The following CNTNAP4 variants were observed in gnomAD, a reference collection of about 807,000 sequenced individuals.
The protein encoded by CNTNAP4 is contactin associated protein family member 4.
In CNTNAP4, 98 loss-of-function variants were observed where a neutral mutation model predicts 148.4. The ratio of observed to expected loss-of-function variants is 0.66; its 90% CI spans 0.56 to 0.78. The LOEUF is 0.78. Ranked by LOEUF, CNTNAP4 falls within the 30% of genes least tolerant of loss-of-function variation. The pLI is 0.00. For synonymous variants in CNTNAP4, 730 were observed against 565.1 expected (o/e 1.29, Z -4.14); for missense variants, 1,935 against 1,565.6 (o/e 1.24, Z -3.98).
At chr16:76,540,850 C>T in intron 21 of CNTNAP4, 60 bp downstream of exon 21, 2 of 1,203,564 alleles carry the variant, frequency 1.7e-6, no homozygotes, top group South Asian at 2.7e-5. Flanking sequence ...AAGCATGGAT[C>T]AGAAAAGTCA....
In CNTNAP4 at chr16:76,448,093, T is replaced by C. The variant is rs1259951156; in HGVS notation, c.620T>C (p.Ile207Thr). ...DQKSLSPIKD[I>T]ISLKFKTMQS... ...AAATCCCTGAGCCCAATAAAAGACA[T>C]TATTTCTTTGAAATTCAAAACCATG... Residue 207 changes from isoleucine to threonine, a missense_variant, in exon 5 of 24, where the codon ATT (isoleucine) becomes ACT (threonine). By Grantham distance (89) the Ile-to-Thr change is moderately conservative. Transcript: ENST00000611870. The C allele has an allele frequency of 6.2e-7, 1 of 1,613,622 alleles. No homozygotes were observed. Among genetic ancestry groups the C allele is most frequent in the Non-Finnish European group, 8.5e-7 (1 of 1,179,680 alleles).
intron 13 of CNTNAP4, among the ~76,000 whole-genome samples, chr16:76,491,356 T>G (rs911702054): frequency 6.6e-6 from 1 of 152,206 alleles, no homozygotes; most frequent in Non-Finnish European, 1.5e-5. Flanking sequence ...AGAACATAGA[T>G]AGATGAAACC....
At chr16:76,377,273 G>C (rs1186668571) in intron 3 of CNTNAP4, among the ~76,000 whole-genome samples, 1 of 152,048 alleles carries the variant, frequency 6.6e-6, no homozygotes, top group Non-Finnish European at 1.5e-5. Context: ...TACCTTTAAA[G>C]AAACATCTAG....
At chr16:76,387,992 T>G (rs1412385728) in intron 3 of CNTNAP4, among the ~76,000 whole-genome samples, 2 of 152,238 alleles carry the variant, frequency 1.3e-5, no homozygotes, top group Non-Finnish European at 2.9e-5. Flanking sequence ...AACCCAATAC[T>G]ATGTAAATAT....
At chr16:76,516,879 C>A (rs2083272632) in intron 15 of CNTNAP4, among the ~76,000 whole-genome samples, 2 of 152,108 alleles carry the variant, frequency 1.3e-5, no homozygotes, top group Non-Finnish European at 2.9e-5. Flanking sequence ...GCCTGGCCAA[C>A]ATGGTGAAAC....
At chr16:76,539,364 T>C (rs1455382437) in intron 19 of CNTNAP4, among the ~76,000 whole-genome samples, 1 of 152,066 alleles carries the variant, frequency 6.6e-6, no homozygotes, top group Admixed American at 6.6e-5. Flanking sequence ...TTTTTAAATA[T>C]AGGAACAGAA....
intron 15 of CNTNAP4, among the ~76,000 whole-genome samples, chr16:76,514,395 A>G (rs865797511): frequency 4.6e-5 from 7 of 152,348 alleles, no homozygotes; most frequent in Middle Eastern, 6.8e-3. Context: ...ACACAAGTCT[A>G]TTTCTTTGCT....
intron 4 of CNTNAP4, among the ~76,000 whole-genome samples, chr16:76,431,193 G>A (rs552632984): frequency 5.3e-5 from 8 of 152,248 alleles, no homozygotes; most frequent in African/African-American, 1.4e-4. Flanking sequence ...GTCCAAATAG[G>A]AAAAGTGCTG....
At chr16:76,402,727 A>G (rs2078461015) in intron 3 of CNTNAP4, among the ~76,000 whole-genome samples, 1 of 152,048 alleles carries the variant, frequency 6.6e-6, no homozygotes, top group East Asian at 1.9e-4. Flanking sequence ...CGTCCCAGAG[A>G]TTCTGGTAGG....
rs753972707 is a variant in CNTNAP4, at chr16:76,498,614, C to T, written c.2285C>T (p.Thr762Ile). ...GCTTATAAAGAACATCTTCCAGTAA[C>T]TAAGATCGTGATTACAGACACAGGC... The part of the protein sequence containing the change: ...LLAYKEHLPV[T>I]KIVITDTGRL... Residue 762 changes from threonine to isoleucine, a missense_variant, in exon 15 of 24, where the codon ACT (threonine) becomes ATT (isoleucine). Transcript: ENST00000611870. The T allele has an allele frequency of 1.9e-6, 3 of 1,612,570 alleles. No individual in the cohort carries two copies. The African/African-American group carries it at 4.0e-5, about 22-fold the overall frequency.
At chr16:76,445,979 A>G (rs536474075) in intron 4 of CNTNAP4, among the ~76,000 whole-genome samples, 1 of 152,310 alleles carries the variant, frequency 6.6e-6, no homozygotes, top group Non-Finnish European at 1.5e-5. Flanking sequence ...TCATTCAGCT[A>G]TGTAACGAGG....
intron 2 of CNTNAP4, among the ~76,000 whole-genome samples, chr16:76,337,752 A>C (rs926748047): frequency 6.6e-6 from 1 of 151,772 alleles, no homozygotes; most frequent in Non-Finnish European, 1.5e-5. Flanking sequence ...TAAGACAGAC[A>C]CTCCCAGAGC....
At chr16:76,299,284 G>A (rs62049687) in intron 1 of CNTNAP4, among the ~76,000 whole-genome samples, 37,588 of 151,828 alleles carry the variant, frequency 0.25, 5,567 homozygotes, top group Non-Finnish European at 0.35. Context: ...TCTATAATGA[G>A]CTCAAACAAA....
intron 21 of CNTNAP4, among the ~76,000 whole-genome samples, chr16:76,552,404 T>C (rs1183524112): frequency 6.6e-6 from 1 of 152,194 alleles, no homozygotes; most frequent in African/African-American, 2.4e-5. Context: ...TTTGATGACA[T>C]CTGAGCCTTC....
intron 8 of CNTNAP4, among the ~76,000 whole-genome samples, chr16:76,457,911 T>G (rs755393374): frequency 1.3e-5 from 2 of 152,088 alleles, no homozygotes; most frequent in African/African-American, 4.8e-5. Context: ...ATAATGAACA[T>G]GGTACCTGAT....
chr16:76,504,679 C>G (rs376692747), intron 15 of CNTNAP4, among the ~76,000 whole-genome samples: 2 of 152,016 alleles, frequency 1.3e-5, no homozygotes, highest in Non-Finnish European at 2.9e-5. Flanking sequence ...AAAAGAAAAG[C>G]TACAGACTGG....
At chr16:76,370,699 A>G (rs917969792) in intron 3 of CNTNAP4, among the ~76,000 whole-genome samples, 1 of 152,166 alleles carries the variant, frequency 6.6e-6, no homozygotes, top group Admixed American at 6.5e-5. Context: ...CTAACGACAA[A>G]TTGCCTCTAT....
intron 8 of CNTNAP4, among the ~76,000 whole-genome samples, chr16:76,453,042 A>G (rs540753768): frequency 6.6e-6 from 1 of 152,296 alleles, no homozygotes; most frequent in South Asian, 2.1e-4. Flanking sequence ...GACAAAGAAC[A>G]TATCCTAAGG....
intron 3 of CNTNAP4, among the ~76,000 whole-genome samples, chr16:76,365,708 C>T (rs143154449): frequency 3.5e-5 from 5 of 142,504 alleles, no homozygotes; most frequent in South Asian, 2.2e-4. Flanking sequence ...GCTGAGATCA[C>T]GCCACTGCAC....
Sources: allele counts gnomAD v4.1 joint callset (sites outside exome capture counted in the v4.1 genomes callset), GRCh38; gene constraint gnomAD v4.1.1; transcripts MANE v1.5; gene names NCBI Gene and HGNC (gene_info 2026-07-23, HGNC 2026-07-21).